TBC1D19: variants seen among roughly 807,000 people sequenced by gnomAD.
The protein encoded by TBC1D19 is TBC1 domain family, member 19.
A neutral mutation model predicts 89.0 loss-of-function variants in TBC1D19; 60 were observed. The observed-to-expected ratio is 0.67, with a 90% CI of 0.55 to 0.84. The LOEUF is 0.84. TBC1D19 is among the 40% of genes least tolerant of loss of function. TBC1D19 has a pLI of 0.00. For synonymous variants in TBC1D19, 189 were observed against 199.7 expected (o/e 0.95, Z 0.45); for missense variants, 500 against 610.8 (o/e 0.82, Z 1.91).
chr4:26,624,191 T>C lies in TBC1D19; in HGVS notation c.294+3503T>C, dbSNP rs530114456. On this transcript the variant is annotated intron_variant, in intron 4 of 20. Coordinates refer to ENST00000264866, the MANE Select transcript of TBC1D19 (RefSeq NM_018317.4). Reference sequence around the variant, plus strand: ...TGTTTTCCTGTCCTGGAAAGCCCTTTCTGCCTGTTTTGTGTTACAAAAGTC... The same window carrying C: ...TGTTTTCCTGTCCTGGAAAGCCCTTCCTGCCTGTTTTGTGTTACAAAAGTC... 2.0e-5 allele frequency among the ~76,000 whole-genome samples: 3 copies of C among 152,240 alleles called. No individual in the cohort carries two copies. In the South Asian group the frequency reaches 6.2e-4, roughly 32 times the overall value.
At chr4:26,785,370 T>C in the TBC1D19 span, among the ~76,000 whole-genome samples, 1 of 152,140 alleles carries the variant, frequency 6.6e-6, no homozygotes, top group Non-Finnish European at 1.5e-5. Flanking sequence ...GAGAACAAAA[T>C]GGCACCCAAG....
chr4:26,769,682 A>G, the TBC1D19 span, among the ~76,000 whole-genome samples: 3 of 151,810 alleles, frequency 2.0e-5, no homozygotes, highest in Middle Eastern at 3.2e-3. Context: ...AGTAGTTGGG[A>G]CTACAGGTGT....
chr4:26,736,879 T>G lies in TBC1D19; in HGVS notation c.1117+1392T>G, dbSNP rs141597111. On this transcript the variant is annotated intron_variant, in intron 16 of 20. Transcript: ENST00000264866. ...CTCTGAGGCCTCATGTGTCATTAAA[T>G]GAGGAATGCAAGAAGCTTATGAAGA... Among the ~76,000 whole-genome samples, 379 of 152,300 alleles carry G rather than the reference T, an allele frequency of 2.5e-3. 3 individuals carry two copies. The highest frequency in any genetic ancestry group is 8.5e-3 in the African/African-American group (352 of 41,544).
At chr4:26,715,073 ACT>A (rs1179166602) in intron 13 of TBC1D19, among the ~76,000 whole-genome samples, 2 of 151,816 alleles carry the variant, frequency 1.3e-5, no homozygotes, top group Admixed American at 6.6e-5. Flanking sequence ...TATGTTGATA[ACT>A]CTCAAATTTG....
chr4:26,677,944 A>G (rs1236328882), intron 11 of TBC1D19, among the ~76,000 whole-genome samples: 1 of 152,204 alleles, frequency 6.6e-6, no homozygotes, highest in Non-Finnish European at 1.5e-5. Context: ...GTATTTCTTC[A>G]TAACAGCATG....
chr4:26,827,640 C>T, the TBC1D19 span, among the ~76,000 whole-genome samples: 1 of 152,014 alleles, frequency 6.6e-6, no homozygotes, highest in Non-Finnish European at 1.5e-5. Context: ...CACTCACCTA[C>T]TCAGCCCTAA....
the TBC1D19 span, among the ~76,000 whole-genome samples, chr4:26,805,918 C>T: frequency 1.3e-5 from 2 of 152,098 alleles, no homozygotes; most frequent in African/African-American, 4.8e-5. Context: ...TTGCAGTGAG[C>T]CGAGATCGCA....
At chr4:26,829,766 G>A in the TBC1D19 span, among the ~76,000 whole-genome samples, 1 of 152,216 alleles carries the variant, frequency 6.6e-6, no homozygotes, top group Non-Finnish European at 1.5e-5. Context: ...ACTAAAACCT[G>A]TTGCTATGTT....
chr4:26,841,354 C>T, the TBC1D19 span, among the ~76,000 whole-genome samples: 7,199 of 149,046 alleles, frequency 0.048, 330 homozygotes, highest in African/African-American at 0.12. Context: ...CCACTGCACT[C>T]CAGCCTGGGT....
intron 4 of TBC1D19, among the ~76,000 whole-genome samples, chr4:26,632,305 T>C (rs971035762): frequency 2.0e-5 from 3 of 151,862 alleles, no homozygotes; most frequent in African/African-American, 4.8e-5. Flanking sequence ...ACTAATAGCC[T>C]ACTGTTGACC....
At chr4:26,694,035 C>T (rs536523051) in intron 13 of TBC1D19, among the ~76,000 whole-genome samples, 46 of 152,110 alleles carry the variant, frequency 3.0e-4, no homozygotes, top group African/African-American at 1.0e-3. Context: ...CACTGGGGCT[C>T]GTCGAACAGT....
intron 1 of TBC1D19, among the ~76,000 whole-genome samples, chr4:26,588,757 G>A (rs1023593551): frequency 4.6e-5 from 7 of 152,238 alleles, no homozygotes; most frequent in South Asian, 4.1e-4. Context: ...AATAAAATAT[G>A]TATGATTTTA....
intron 15 of TBC1D19, among the ~76,000 whole-genome samples, chr4:26,722,246 G>A (rs1287133863): frequency 6.6e-6 from 1 of 151,972 alleles, no homozygotes; most frequent in East Asian, 1.9e-4. Context: ...TACTTTTATA[G>A]TAACTTTTTA....
chr4:26,725,058 A>G (rs1341262681), intron 15 of TBC1D19, among the ~76,000 whole-genome samples: 1 of 152,204 alleles, frequency 6.6e-6, no homozygotes, highest in Non-Finnish European at 1.5e-5. Flanking sequence ...GTTAGCTACT[A>G]TATAGGTCAA....
chr4:26,793,445 C>T, the TBC1D19 span, among the ~76,000 whole-genome samples: 1 of 152,216 alleles, frequency 6.6e-6, no homozygotes, highest in Non-Finnish European at 1.5e-5. Context: ...CCATCTCTGG[C>T]TGGGCACAGT....
At chr4:26,691,403 T>TATTTTGTGA (rs1714272836) in intron 13 of TBC1D19, among the ~76,000 whole-genome samples, 1 of 152,160 alleles carries the variant, frequency 6.6e-6, no homozygotes. Context: ...AACAAACAAA[T>TATTTTGTGA]ATTTTGTGAA....
At chr4:26,788,172 C>G in the TBC1D19 span, among the ~76,000 whole-genome samples, 1 of 152,040 alleles carries the variant, frequency 6.6e-6, no homozygotes, top group Non-Finnish European at 1.5e-5. Flanking sequence ...TCCCAGGGGC[C>G]CTGGGTTCAG....
the TBC1D19 span, among the ~76,000 whole-genome samples, chr4:26,799,604 T>C: frequency 6.6e-6 from 1 of 152,174 alleles, no homozygotes; most frequent in Non-Finnish European, 1.5e-5. Context: ...TTATAAGAGC[T>C]CTGCCCTCAT....
At chr4:26,692,230 T>G (rs925077294) in intron 13 of TBC1D19, among the ~76,000 whole-genome samples, 1 of 152,160 alleles carries the variant, frequency 6.6e-6, no homozygotes, top group Non-Finnish European at 1.5e-5. Flanking sequence ...TGGCCAGTAT[T>G]TCTTATCTCC....
Sources: allele counts gnomAD v4.1 joint callset (sites outside exome capture counted in the v4.1 genomes callset), GRCh38; gene constraint gnomAD v4.1.1; transcripts MANE v1.5; gene names NCBI Gene and HGNC (gene_info 2026-07-23, HGNC 2026-07-21).